Variants in ATP10D observed in about 807,000 individuals in gnomAD.
ATP10D encodes the protein phospholipid-transporting ATPase VD.
In ATP10D, 89 loss-of-function variants were observed where a neutral mutation model predicts 144.8. The observed-to-expected ratio is 0.61, with a 90% CI of 0.52 to 0.73. The LOEUF is 0.73. Among genes scored for constraint, ATP10D ranks in the 30% least tolerant of loss-of-function variants. ATP10D has a pLI of 0.00. For synonymous variants in ATP10D, 571 were observed against 615.1 expected (o/e 0.93, Z 1.06); for missense variants, 1,603 against 1,714.8 (o/e 0.93, Z 1.15).
chr4:47,509,438 TG>T (rs1453431800), intron 1 of ATP10D, among the ~76,000 whole-genome samples: 1 of 152,168 alleles, frequency 6.6e-6, no homozygotes, highest in Admixed American at 6.6e-5. Context: ...AAATACAAAT[TG>T]TATGTATTTA....
At chr4:47,491,300 G>A in intron 1 of ATP10D, 2 of 781,336 alleles carry the variant, frequency 2.6e-6, no homozygotes, top group African/African-American at 1.8e-5. Context: ...GGTAACACTG[G>A]TGGGGCATTC....
At chr4:47,516,868 G>A (rs904000002) in intron 3 of ATP10D, among the ~76,000 whole-genome samples, 1 of 152,170 alleles carries the variant, frequency 6.6e-6, no homozygotes, top group African/African-American at 2.4e-5. Flanking sequence ...AAGGCATAGA[G>A]CATTTGACTA....
At chr4:47,579,429 G>A (rs1720400871) in intron 19 of ATP10D, among the ~76,000 whole-genome samples, 1 of 152,218 alleles carries the variant, frequency 6.6e-6, no homozygotes, top group Admixed American at 6.5e-5. Context: ...TATTCCTGAT[G>A]GTGATGAGAT....
At chr4:47,533,389 CAT>C (rs1187343061) in intron 5 of ATP10D, among the ~76,000 whole-genome samples, 1 of 152,124 alleles carries the variant, frequency 6.6e-6, no homozygotes, top group Non-Finnish European at 1.5e-5. Context: ...GGAATATAAA[CAT>C]ATATCTGTTA....
rs1716403838 is a variant in ATP10D, at chr4:47,512,631, T to C, written c.91T>C (p.Ser31Pro). 2 of 1,614,018 alleles carry C rather than the reference T, an allele frequency of 1.2e-6. No homozygotes were observed. The highest frequency in any genetic ancestry group is 3.3e-5 in the Admixed American group (2 of 59,994). Reference protein sequence around the residue: ...RDDDSGPYNYSSLLACGRKSS... With the variant: ...RDDDSGPYNYPSLLACGRKSS... Reference sequence around the variant, plus strand: ...TGATGATTCAGGGCCATACAACTATTCCTCGTTGCTCGCCTGTGGGCGCAA... The same window carrying C: ...TGATGATTCAGGGCCATACAACTATCCCTCGTTGCTCGCCTGTGGGCGCAA... The change falls in exon 2 of 23, where the codon TCC becomes CCC. Residue 31 changes from serine to proline, a missense_variant. Physicochemically the swap from Ser to Pro is moderately conservative, Grantham distance 74. Coordinates refer to ENST00000273859, the MANE Select transcript of ATP10D (RefSeq NM_020453.4).
At chr4:47,580,669 T>G (rs1443589323) in intron 20 of ATP10D, among the ~76,000 whole-genome samples, 191 bp downstream of exon 20, 1 of 152,242 alleles carries the variant, frequency 6.6e-6, no homozygotes, top group Non-Finnish European at 1.5e-5. Flanking sequence ...CATACATAGT[T>G]TGAGTCCTCT....
rs201697796 is a variant in ATP10D, at chr4:47,525,633, G to A, written c.767G>A (p.Arg256Gln). 41 of 1,611,560 alleles carry A rather than the reference G, an allele frequency of 2.5e-5. No homozygotes were observed. The East Asian group carries it at 3.8e-4, about 15-fold the overall frequency. The part of the protein sequence containing the change: ...ESPNNDLSRF[R>Q]GFLEHSNKER... The stretch of plus-strand genomic sequence containing the variant: ...CCAAACAATGACCTCAGCAGATTCC[G>A]AGGCTTCCTGTGAGTAATACATGAT... The change falls in exon 5 of 23, where the codon CGA becomes CAA. Residue 256 changes from arginine to glutamine, a missense_variant. By Grantham distance (43) the Arg-to-Gln change is conservative (BLOSUM62 1). Transcript: ENST00000273859.
rs373100264 is a variant in ATP10D at position 47,495,909 on chromosome 4, G to A, written c.-38+10390G>A. 1.3e-3 allele frequency among the ~76,000 whole-genome samples: 193 copies of A among 151,860 alleles called. 4 individuals carry two copies. The highest frequency in any genetic ancestry group is 3.6e-3 in the African/African-American group (150 of 41,414). On this transcript the variant is annotated intron_variant, in intron 1 of 22. Transcript: ENST00000273859. ...TGCGCCACCGCGCCTGGCTAATTTT[G>A]TATTTTTAGTAGAGATGGGGTTTCT...
intron 1 of ATP10D, among the ~76,000 whole-genome samples, chr4:47,510,516 G>T (rs1357547896): frequency 6.6e-6 from 1 of 152,178 alleles, no homozygotes; most frequent in Non-Finnish European, 1.5e-5. Context: ...GAAATGTTTT[G>T]CAGTCGTTAT....
intron 18 of ATP10D, among the ~76,000 whole-genome samples, chr4:47,575,712 C>A (rs979596271): frequency 6.6e-6 from 1 of 152,232 alleles, no homozygotes; most frequent in African/African-American, 2.4e-5. Context: ...CTCTCTGTGC[C>A]TCAGTATCTT....
At chr4:47,544,884 A>C (rs572017104) in intron 9 of ATP10D, among the ~76,000 whole-genome samples, 84 of 152,246 alleles carry the variant, frequency 5.5e-4, no homozygotes, top group Non-Finnish European at 9.3e-4. Context: ...TATTCCAGAC[A>C]CTGGATACAA....
chr4:47,500,245 A>G (rs1715613803), intron 1 of ATP10D, among the ~76,000 whole-genome samples: 1 of 152,258 alleles, frequency 6.6e-6, no homozygotes, highest in South Asian at 2.1e-4. Flanking sequence ...AAGCTAAAAT[A>G]CCAAAGTAAA....
chr4:47,493,951 C>T (rs974997416), intron 1 of ATP10D, among the ~76,000 whole-genome samples: 8 of 152,128 alleles, frequency 5.3e-5, no homozygotes, highest in Non-Finnish European at 7.3e-5. Flanking sequence ...AGGTATCTGA[C>T]TTAAAAGGTC....
intron 18 of ATP10D, 102 bp downstream of exon 18, chr4:47,573,099 A>C: frequency 7.2e-7 from 1 of 1,385,962 alleles, no homozygotes; most frequent in South Asian, 1.3e-5. Flanking sequence ...CACTTTCCTT[A>C]TTGATGTATT....
rs1721069979 is a variant in ATP10D, at chr4:47,591,943, T to C, written c.*562T>C. The C allele has an allele frequency of 6.6e-6, 1 of 152,112 alleles. No individual in the cohort carries two copies. 9.4% of individuals were successfully genotyped at this position (152,112 alleles called of 1,614,324 possible). A position where few individuals can be genotyped will look rare whatever the true frequency, so the allele number is the denominator to read the frequency against. On this transcript the variant is annotated 3_prime_UTR_variant, in exon 23 of 23. Coordinates refer to ENST00000273859, the MANE Select transcript of ATP10D (RefSeq NM_020453.4). ...ATACAGTTAGTGCCTATTAATAGCT[T>C]TTTATTTCCTATGGGAAGATGCTTT...
rs1560444323 is a variant in ATP10D at position 47,558,179 on chromosome 4, T to C, written c.2340T>C (p.Ser780=). 1.2e-6 allele frequency: 2 copies of C among 1,614,220 alleles called. No individual in the cohort carries two copies. The highest frequency in any genetic ancestry group is 1.7e-5 in the Admixed American group (1 of 60,024). ...LPFDSVRKRM[S]VVVRHPLSNQ... ...TTGACTCAGTAAGAAAAAGAATGTCTGTTGTGGTCCGACACCCTCTTTCCA... is the reference window on the plus strand; with the variant it reads ...TTGACTCAGTAAGAAAAAGAATGTCCGTTGTGGTCCGACACCCTCTTTCCA... The change falls in exon 12 of 23, where the codon TCT becomes TCC. Residue 780 remains serine (S), a synonymous_variant. Coordinates refer to ENST00000273859, the MANE Select transcript of ATP10D (RefSeq NM_020453.4).
chr4:47,591,636 A>AT lies in ATP10D; in HGVS notation c.*259dup, dbSNP rs751078971. 97 of 283,160 alleles carry AT rather than the reference A, an allele frequency of 3.4e-4. No homozygotes were observed. Among genetic ancestry groups the AT allele is most frequent in the Non-Finnish European group, 5.3e-4 (81 of 153,452 alleles). The allele number at this position is 283,160 out of a possible 1,614,324, so 17.5% of individuals were successfully genotyped here. A position where few individuals can be genotyped will look rare whatever the true frequency, so the allele number is the denominator to read the frequency against. On this transcript the variant is annotated 3_prime_UTR_variant, in exon 23 of 23. Transcript: ENST00000273859. ...CAAATGCTTTTGTAAAACTTTTTGGATTTTGTAAAAGCATTTTCATTCTCT... is the reference window on the plus strand; with the variant it reads ...CAAATGCTTTTGTAAAACTTTTTGGATTTTTGTAAAAGCATTTTCATTCTCT...
At chr4:47,485,833 T>TCACA (rs1553888835) in intron 1 of ATP10D, among the ~76,000 whole-genome samples, 1 of 3,684 alleles carries the variant, frequency 2.7e-4, no homozygotes, top group Admixed American at 3.4e-3. Context: ...ATACACGCAT[T>TCACA]CTCACACACC....
chr4:47,521,713 C>A (rs1716953820), intron 3 of ATP10D, among the ~76,000 whole-genome samples: 1 of 152,132 alleles, frequency 6.6e-6, no homozygotes, highest in Non-Finnish European at 1.5e-5. Flanking sequence ...CCCTGCCTAC[C>A]TTTTTTATCT....
Sources: gnomAD v4.1 joint callset for allele counts (sites outside exome capture counted in the v4.1 genomes callset) on GRCh38, gnomAD v4.1.1 for gene constraint, MANE v1.5 for transcripts, NCBI Gene and HGNC (gene_info 2026-07-23, HGNC 2026-07-21) for gene names.